The following GRM1 variants were observed in gnomAD, a reference collection of about 807,000 sequenced individuals.
GRM1 encodes the protein metabotropic glutamate receptor 1.
A neutral mutation model predicts 90.9 loss-of-function variants in GRM1; 33 were observed. The observed-to-expected ratio is 0.36, with a 90% CI of 0.28 to 0.49. The LOEUF is 0.49. Ranked by LOEUF, GRM1 falls within the 20% of genes least tolerant of loss-of-function variation. The pLI is 0.99. For missense variants in GRM1, 1,190 were observed against 1,534.3 expected (o/e 0.78, Z 3.75); for synonymous variants, 700 against 613.2 (o/e 1.14, Z -2.09).
At chr6:146,093,243 A>G (rs989692488) in intron 1 of GRM1, among the ~76,000 whole-genome samples, 4 of 152,078 alleles carry the variant, frequency 2.6e-5, no homozygotes, top group Non-Finnish European at 4.4e-5. Context: ...ACTATGTAAG[A>G]TTGGCTTGAA....
At chr6:146,114,765 CA>C (rs1426836910) in intron 1 of GRM1, among the ~76,000 whole-genome samples, 1 of 151,892 alleles carries the variant, frequency 6.6e-6, no homozygotes, top group Non-Finnish European at 1.5e-5. Flanking sequence ...TTTATTCATC[CA>C]ACAAATAGAC....
Position 146,398,845 on chromosome 6 carries a change from G to C in GRM1, c.1806G>C (p.Leu602=), listed in dbSNP as rs1318153068. 6.2e-7 allele frequency: 1 copy of C among 1,613,726 alleles called. No individual in the cohort carries two copies. Among genetic ancestry groups the C allele is most frequent in the Non-Finnish European group, 8.5e-7 (1 of 1,179,700 alleles). The change falls in exon 7 of 8, where the codon CTG becomes CTC. Residue 602 remains leucine, a synonymous_variant. Transcript: ENST00000282753. Reference sequence around the variant, plus strand: ...TTATAGCCATCGCCTTTTCATGCCTGGGAATCCTTGTTACCTTGTTTGTCA... The same window carrying C: ...TTATAGCCATCGCCTTTTCATGCCTCGGAATCCTTGTTACCTTGTTTGTCA... ...ESIIAIAFSC[L]GILVTLFVTL...
chr6:146,307,387 A>G (rs959706813), intron 3 of GRM1, among the ~76,000 whole-genome samples: 3 of 152,132 alleles, frequency 2.0e-5, no homozygotes, highest in Non-Finnish European at 4.4e-5. Flanking sequence ...AATTCATAAA[A>G]CTTATTTATG....
rs545400382 is a variant in GRM1 at position 146,029,982 on chromosome 6, C to T, written c.465C>T (p.Pro155=). ...TCCCCCCAGGCAGGACTAAGAAGCC[C>T]ATTGCGGGAGTGATCGGTCCCGGCT... ...QSLPPGRTKK[P]IAGVIGPGSS... The change falls in exon 1 of 8, where the codon CCC becomes CCT. Residue 155 remains proline, a synonymous_variant. Coordinates refer to ENST00000282753, the MANE Select transcript of GRM1 (RefSeq NM_001278064.2). 1.4e-5 allele frequency: 22 copies of T among 1,614,132 alleles called. No individual in the cohort carries two copies. Among genetic ancestry groups the T allele is most frequent in the African/African-American group, 1.2e-4 (9 of 75,026 alleles).
chr6:146,171,291 C>T (rs1370886993), intron 2 of GRM1: 1 of 152,170 alleles, frequency 6.6e-6, no homozygotes, highest in Non-Finnish European at 1.5e-5. Context: ...GAGTTCTGGG[C>T]CCTCACGTGC....
intron 1 of GRM1, among the ~76,000 whole-genome samples, chr6:146,053,349 A>T (rs548410645): frequency 1.3e-5 from 2 of 152,218 alleles, no homozygotes; most frequent in South Asian, 4.1e-4. Flanking sequence ...TATATTTTTC[A>T]ATATATATTT....
At chr6:146,115,260 ATACTATACATG>A in intron 1 of GRM1, among the ~76,000 whole-genome samples, 1 of 152,092 alleles carries the variant, frequency 6.6e-6, no homozygotes, top group South Asian at 2.1e-4. Context: ...ATATATACAT[ATACTATACATG>A]TACTATATAG....
At chr6:146,030,364 C>A in intron 1 of GRM1, 147 bp downstream of exon 1, 1 of 704,178 alleles carries the variant, frequency 1.4e-6, no homozygotes, top group Non-Finnish European at 2.6e-6. Context: ...CCAGGCATTG[C>A]CTTTTATCCT....
chr6:146,182,294 T>G (rs1252761226), intron 2 of GRM1, among the ~76,000 whole-genome samples: 1 of 152,156 alleles, frequency 6.6e-6, no homozygotes, highest in Admixed American at 6.5e-5. Context: ...TCTAGCAAAT[T>G]GTTTCTCTTT....
At chr6:146,336,266 C>A (rs1022100072) in intron 3 of GRM1, among the ~76,000 whole-genome samples, 3 of 152,070 alleles carry the variant, frequency 2.0e-5, no homozygotes, top group Non-Finnish European at 4.4e-5. Flanking sequence ...AGAAGCAGAG[C>A]CAGAGGCAGA....
At chr6:146,350,950 G>A (rs924211426) in intron 3 of GRM1, among the ~76,000 whole-genome samples, 3 of 152,100 alleles carry the variant, frequency 2.0e-5, no homozygotes, top group African/African-American at 7.2e-5. Context: ...GTCACTCTCA[G>A]GGTAGATATA....
intron 1 of GRM1, among the ~76,000 whole-genome samples, chr6:146,096,127 TCA>T (rs1280941857): frequency 1.3e-5 from 2 of 152,198 alleles, no homozygotes; most frequent in African/African-American, 2.4e-5. Context: ...GAAATTTCCT[TCA>T]GATACTTTAG....
intron 1 of GRM1, among the ~76,000 whole-genome samples, chr6:146,129,049 C>G (rs1187783329): frequency 6.6e-6 from 1 of 152,134 alleles, no homozygotes; most frequent in Admixed American, 6.6e-5. Context: ...CTGATATTTT[C>G]CGGTACATGT....
intron 4 of GRM1, among the ~76,000 whole-genome samples, chr6:146,355,925 C>T (rs1313516901): frequency 6.6e-6 from 1 of 152,192 alleles, no homozygotes; most frequent in Non-Finnish European, 1.5e-5. Flanking sequence ...GAGGCCGTGA[C>T]TCATCTTCTA....
At chr6:146,140,136 T>TCTTTCTTTCTTTCTTC (rs1562488209) in intron 1 of GRM1, among the ~76,000 whole-genome samples, 1 of 143,032 alleles carries the variant, frequency 7.0e-6, no homozygotes, top group Non-Finnish European at 1.5e-5. Flanking sequence ...TTTCTTTCTT[T>TCTTTCTTTCTTTCTTC]CTTTCCTTCC....
chr6:146,064,289 T>A (rs1462495600), intron 1 of GRM1, among the ~76,000 whole-genome samples: 1 of 152,204 alleles, frequency 6.6e-6, no homozygotes, highest in Non-Finnish European at 1.5e-5. Flanking sequence ...CAGCTGTGTA[T>A]TTTCCATAGT....
chr6:146,307,964 T>C (rs1488021100), intron 3 of GRM1, among the ~76,000 whole-genome samples: 1 of 152,192 alleles, frequency 6.6e-6, no homozygotes, highest in Non-Finnish European at 1.5e-5. Context: ...ATCAAGGGAT[T>C]GGAGGTGTGT....
intron 1 of GRM1, among the ~76,000 whole-genome samples, chr6:146,096,433 A>G (rs1316794625): frequency 2.0e-5 from 3 of 152,116 alleles, no homozygotes; most frequent in African/African-American, 7.2e-5. Context: ...GCTATACAGG[A>G]AAGGAGGGTG....
At chr6:146,111,771 C>T (rs1267876954) in intron 1 of GRM1, among the ~76,000 whole-genome samples, 1 of 152,132 alleles carries the variant, frequency 6.6e-6, no homozygotes, top group Non-Finnish European at 1.5e-5. Flanking sequence ...GGGTTTTATT[C>T]TAGTTGCAAT....
Sources: allele counts gnomAD v4.1 joint callset (sites outside exome capture counted in the v4.1 genomes callset), GRCh38; gene constraint gnomAD v4.1.1; transcripts MANE v1.5; gene names NCBI Gene and HGNC (gene_info 2026-07-23, HGNC 2026-07-21).